LIMK2: variants seen among roughly 807,000 people sequenced by gnomAD.
LIMK2 encodes the protein LIM domain kinase 2.
LIMK2 carries 35 observed loss-of-function variants against 75.7 expected under a neutral mutation model. That is an observed-to-expected ratio of 0.46 (90% CI 0.35 to 0.61). The LOEUF (loss-of-function observed/expected upper bound fraction) is 0.61, where lower values mean the gene tolerates loss of function less well. LIMK2 is among the 20% of genes least tolerant of loss of function. LIMK2 has a pLI of 0.00. For synonymous variants in LIMK2, 301 were observed against 319.2 expected (o/e 0.94, Z 0.61); for missense variants, 623 against 831.0 (o/e 0.75, Z 3.08).
chr22:31,230,873 C>T (rs1408948461), intron 2 of LIMK2, among the ~76,000 whole-genome samples: 1 of 152,118 alleles, frequency 6.6e-6, no homozygotes, highest in Admixed American at 6.5e-5. Context: ...TCTAAGCAAG[C>T]CTGGTAGAAT....
At chr22:31,264,528 G>A (rs545957226) in intron 7 of LIMK2, among the ~76,000 whole-genome samples, 1 of 152,356 alleles carries the variant, frequency 6.6e-6, no homozygotes, top group African/African-American at 2.4e-5. Flanking sequence ...TTTTGAAAAT[G>A]TAAACATAGT....
At position 31,258,479 on chromosome 22, in the gene LIMK2, G is replaced by A. The variant is rs574755878; in HGVS notation, c.252+53G>A. ...TCTTGGTCTTCAGAGTCCATTGACAGTGCTTCCAGTTCCCTGTGGCCTGTT... is the reference window on the plus strand; with the variant it reads ...TCTTGGTCTTCAGAGTCCATTGACAATGCTTCCAGTTCCCTGTGGCCTGTT... On this transcript the variant is annotated intron_variant, in intron 3 of 15. Coordinates refer to ENST00000331728, the MANE Select transcript of LIMK2 (RefSeq NM_005569.4). The A allele has an allele frequency of 8.8e-6, 14 of 1,588,542 alleles. No individual in the cohort carries two copies. The Admixed American group carries it at 1.5e-4, about 17-fold the overall frequency.
At chr22:31,272,874 C>A in intron 13 of LIMK2, 170 bp downstream of exon 13, 1 of 1,402,328 alleles carries the variant, frequency 7.1e-7, no homozygotes, top group East Asian at 2.6e-5. Flanking sequence ...CTCCTGAGCT[C>A]AGGGGGCTGG....
intron 2 of LIMK2, among the ~76,000 whole-genome samples, chr22:31,245,063 G>A (rs2048656174): frequency 6.6e-6 from 1 of 152,226 alleles, no homozygotes; most frequent in Non-Finnish European, 1.5e-5. Flanking sequence ...AGTGCTGCAA[G>A]CAATGTTTAA....
chr22:31,251,502 A>G (rs1211661734), intron 2 of LIMK2, among the ~76,000 whole-genome samples: 2 of 152,132 alleles, frequency 1.3e-5, no homozygotes, highest in Non-Finnish European at 2.9e-5. Flanking sequence ...GCTCTTTTCC[A>G]TTATTTGCCA....
Position 31,275,593 on chromosome 22 carries a change from TCA to T in LIMK2, c.1772+286_1772+287del. On this transcript the variant is annotated intron_variant, in intron 15 of 15. Coordinates refer to ENST00000331728, the MANE Select transcript of LIMK2 (RefSeq NM_005569.4). ...AACCATTTGAATACAGTAAGTGTAT[TCA>T]TCTTTCGATATTCCCCTGTCCATAT... 4 of 389,304 alleles carry T rather than the reference TCA, an allele frequency of 1.0e-5. No individual in the cohort carries two copies. The South Asian group carries it at 1.2e-4, about 11-fold the overall frequency. 24.1% of individuals were successfully genotyped at this position (389,304 alleles called of 1,614,324 possible).
At chr22:31,256,610 G>A (rs2048785114) in intron 2 of LIMK2, among the ~76,000 whole-genome samples, 1 of 152,202 alleles carries the variant, frequency 6.6e-6, no homozygotes, top group African/African-American at 2.4e-5. Flanking sequence ...AAAGTGCTGG[G>A]ATTATAAGCA....
intron 15 of LIMK2, chr22:31,277,074 C>T (rs1482168263): frequency 3.1e-6 from 5 of 1,613,852 alleles, no homozygotes; most frequent in South Asian, 2.2e-5. Flanking sequence ...CCACAGAGGC[C>T]TTCATCTCTG....
At chr22:31,233,276 C>G (rs1207065463) in intron 2 of LIMK2, among the ~76,000 whole-genome samples, 2 of 152,200 alleles carry the variant, frequency 1.3e-5, no homozygotes, top group Non-Finnish European at 2.9e-5. Flanking sequence ...ACATTAAATT[C>G]AATCATGTAT....
At chr22:31,220,848 G>T (rs1166569736) in intron 1 of LIMK2, among the ~76,000 whole-genome samples, 1 of 152,212 alleles carries the variant, frequency 6.6e-6, no homozygotes, top group Non-Finnish European at 1.5e-5. Context: ...CACAATCCCA[G>T]CTATACTCGG....
intron 1 of LIMK2, among the ~76,000 whole-genome samples, chr22:31,222,364 C>A (rs1441708241): frequency 6.8e-6 from 1 of 146,798 alleles, no homozygotes; most frequent in Non-Finnish European, 1.5e-5. Context: ...AGCCACCGTG[C>A]CCAGCCTCTT....
At chr22:31,226,736 A>C (rs1189473168) in intron 2 of LIMK2, among the ~76,000 whole-genome samples, 1 of 152,150 alleles carries the variant, frequency 6.6e-6, no homozygotes, top group African/African-American at 2.4e-5. Context: ...CAGCCCCCCT[A>C]GTAGGTGGGA....
intron 2 of LIMK2, among the ~76,000 whole-genome samples, chr22:31,228,500 G>A (rs1179352956): frequency 3.3e-5 from 5 of 152,004 alleles, no homozygotes; most frequent in African/African-American, 1.2e-4. Context: ...TTATTAACTA[G>A]CCTTAAGTGA....
At chr22:31,275,599 TTC>T in intron 15 of LIMK2, 1 of 349,514 alleles carries the variant, frequency 2.9e-6, no homozygotes, top group Non-Finnish European at 5.2e-6. Context: ...GTATTCATCT[TTC>T]GATATTCCCC....
chr22:31,268,040 C>T, intron 10 of LIMK2, 104 bp from the exon 11 acceptor site: 2 of 1,523,030 alleles, frequency 1.3e-6, no homozygotes, highest in Non-Finnish European at 1.8e-6. Context: ...TGGGACTGAG[C>T]ATACACAGGG....
chr22:31,220,888 T>C (rs4820953), intron 1 of LIMK2, among the ~76,000 whole-genome samples: 120,518 of 152,178 alleles, frequency 0.79, 48,680 homozygotes, highest in African/African-American at 0.95. Flanking sequence ...CACTTGAACC[T>C]GGGAGGCGGA....
Position 31,212,321 on chromosome 22 carries a change from G to A in LIMK2, c.-88G>A. On this transcript the variant is annotated 5_prime_UTR_variant, in exon 1 of 16. Coordinates refer to ENST00000331728, the MANE Select transcript of LIMK2 (RefSeq NM_005569.4). ...TGGTCTTCCCGCGCCTGAGGCGGCG[G>A]CGGCAGGAGCTGAGGGGAGTTGTAG... The A allele has an allele frequency of 7.9e-7, 1 of 1,273,434 alleles. No individual in the cohort carries two copies. The highest frequency in any genetic ancestry group is 1.0e-6 in the Non-Finnish European group (1 of 994,216). The allele number at this position is 1,273,434 out of a possible 1,614,324, so 78.9% of individuals were successfully genotyped here.
chr22:31,212,354 A>AG lies in LIMK2; in HGVS notation c.-51dup. The AG allele has an allele frequency of 5.3e-6, 7 of 1,326,858 alleles. No homozygotes were observed. The highest frequency in any genetic ancestry group is 6.8e-6 in the Non-Finnish European group (7 of 1,029,928). 82.2% of individuals were successfully genotyped at this position (1,326,858 alleles called of 1,614,324 possible). A position where few individuals can be genotyped will look rare whatever the true frequency, so the allele number is the denominator to read the frequency against. On this transcript the variant is annotated 5_prime_UTR_variant, in exon 1 of 16. Coordinates refer to ENST00000331728, the MANE Select transcript of LIMK2 (RefSeq NM_005569.4). ...AGCTGAGGGGAGTTGTAGGGAACTG[A>AG]GGGGAGCTGCTGTGTCCCCCGCCTC...
chr22:31,246,175 G>GCACACACACA (rs1300039438), intron 2 of LIMK2, among the ~76,000 whole-genome samples: 27 of 78,134 alleles, frequency 3.5e-4, no homozygotes, highest in Non-Finnish European at 6.2e-4. Context: ...TCCGACACAC[G>GCACACACACA]CACGCACGCA....
Sources: allele counts gnomAD v4.1 joint callset (sites outside exome capture counted in the v4.1 genomes callset), GRCh38; gene constraint gnomAD v4.1.1; transcripts MANE v1.5; gene names NCBI Gene and HGNC (gene_info 2026-07-23, HGNC 2026-07-21).